Variants in CNGB1 observed in about 807,000 individuals in gnomAD.
CNGB1 encodes cyclic nucleotide-gated channel beta-1.
CNGB1 carries 126 observed loss-of-function variants against 151.7 expected under a neutral mutation model. The ratio of observed to expected loss-of-function variants is 0.83; its 90% CI spans 0.72 to 0.96. The LOEUF is 0.96. Among genes scored for constraint, CNGB1 ranks in the 40% least tolerant of loss-of-function variants. The pLI is 0.00. For synonymous variants in CNGB1, 623 were observed against 635.1 expected (o/e 0.98, Z 0.29); for missense variants, 1,698 against 1,627.0 (o/e 1.04, Z -0.75).
chr16:57,901,654 G>A (rs746011989), intron 27 of CNGB1, 29 bp from the exon 28 acceptor site: 13 of 1,586,944 alleles, frequency 8.2e-6, no homozygotes, highest in Non-Finnish European at 1.0e-5. Context: ...AAGGGTCAGA[G>A]GCAAGGCCGG....
intron 25 of CNGB1, among the ~76,000 whole-genome samples, chr16:57,906,175 C>T (rs1256279761): frequency 2.0e-5 from 3 of 152,230 alleles, no homozygotes; most frequent in East Asian, 1.9e-4. Flanking sequence ...GCTCAGCCAC[C>T]TTCTGGCTGC....
At chr16:57,897,341 A>C in intron 31 of CNGB1, 56 bp downstream of exon 31, 1 of 1,579,136 alleles carries the variant, frequency 6.3e-7, no homozygotes, top group Non-Finnish European at 8.7e-7. Context: ...GTGGTTATGT[A>C]AGAGAAATTC....
At position 57,904,844 on chromosome 16, in the gene CNGB1, T is replaced by C. The variant is rs768977947; in HGVS notation, c.2524A>G (p.Thr842Ala). 2 of 1,614,024 alleles carry C rather than the reference T, an allele frequency of 1.2e-6. No homozygotes were observed. Among genetic ancestry groups the C allele is most frequent in the Non-Finnish European group, 1.7e-6 (2 of 1,180,004 alleles). Residue 842 changes from threonine (T) to alanine (A), a missense_variant, in exon 26 of 33, where the codon ACC becomes GCC. Coordinates refer to ENST00000251102, the MANE Select transcript of CNGB1 (RefSeq NM_001297.5). ...GGCAGCCCCCCGATGGTGATGAGGG[T>C]CTTCACAGCAAAGTAGTAACAGCGA... ...YIRCYYFAVK[T>A]LITIGGLPDP... is the part of the protein sequence containing the mutation.
chr16:57,917,380 G>C lies in CNGB1; in HGVS notation c.2054C>G (p.Pro685Arg). ...PVRWAFPYQT[P>R]DNIHHWLLMD... ...CAGCAGCCAGTGGTGGATGTTGTCC[G>C]GGGTCTGGTAGGGGAAGGCCCAGCG... Residue 685 changes from proline (P) to arginine (R), a missense_variant, in exon 21 of 33, where the codon CCG (proline) becomes CGG (arginine). Coordinates refer to ENST00000251102, the MANE Select transcript of CNGB1 (RefSeq NM_001297.5). 6.2e-7 allele frequency: 1 copy of C among 1,614,078 alleles called. No individual in the cohort carries two copies. The highest frequency in any genetic ancestry group is 8.5e-7 in the Non-Finnish European group (1 of 1,180,028).
chr16:57,904,648 C>T (rs537136606), intron 26 of CNGB1, 86 bp downstream of exon 26: 229 of 1,581,974 alleles, frequency 1.4e-4, no homozygotes, highest in South Asian at 4.4e-4. Context: ...CCAAAAGCAA[C>T]GGGCACAGAG....
intron 2 of CNGB1, 68 bp from the exon 3 acceptor site, chr16:57,964,612 G>A (rs757147623): frequency 3.4e-6 from 5 of 1,471,466 alleles, no homozygotes; most frequent in Non-Finnish European, 4.7e-6. Context: ...GGGGCAGCCT[G>A]ATTCTCCCTC....
At chr16:57,915,463 A>G in intron 22 of CNGB1, 128 bp from the exon 23 acceptor site, 1 of 759,458 alleles carries the variant, frequency 1.3e-6, no homozygotes, top group Non-Finnish European at 2.3e-6. Context: ...AGAGCTTAAA[A>G]CTAGAGGGCA....
At chr16:57,958,245 G>A (rs973484114) in intron 11 of CNGB1, among the ~76,000 whole-genome samples, 165 bp downstream of exon 11, 1 of 121,848 alleles carries the variant, frequency 8.2e-6, no homozygotes, top group East Asian at 2.1e-4. Context: ...GTGGGGCTGG[G>A]CCAGCATGTC....
rs775646646 is a variant in CNGB1 at position 57,900,462 on chromosome 16, T to C, written c.2976+890A>G. Among the ~76,000 whole-genome samples, 9 of 152,310 alleles carry C rather than the reference T, an allele frequency of 5.9e-5. No homozygotes were observed. The South Asian group carries it at 8.3e-4, about 14-fold the overall frequency. ...TATTATTAACTTATTAACGGCTCTG[T>C]GCAAGAGGACTGAAACCTGGGTTCC... On this transcript the variant is annotated intron_variant, in intron 29 of 32. Coordinates refer to ENST00000251102, the MANE Select transcript of CNGB1 (RefSeq NM_001297.5).
chr16:57,926,266 T>C (rs528158593), intron 17 of CNGB1, among the ~76,000 whole-genome samples: 1 of 152,288 alleles, frequency 6.6e-6, no homozygotes, highest in Admixed American at 6.5e-5. Flanking sequence ...CAGAGGTTCC[T>C]ACTCCAGCCC....
At position 57,959,909 on chromosome 16, in the gene CNGB1, G is replaced by T; in HGVS notation, c.740C>A (p.Pro247Gln). 6.4e-7 allele frequency: 1 copy of T among 1,556,972 alleles called. No homozygotes were observed. The highest frequency in any genetic ancestry group is 1.2e-5 in the South Asian group (1 of 82,420). The part of the protein sequence containing the change: ...PGSQAQTSSL[P>Q]PTRDPARLVA... ...TCACCTGGCAGGGTCCCTGGTTGGT[G>T]GCAGGGAGGAGGTCTGGGCCTGGGA... The change falls in exon 10 of 33, where the codon CCA becomes CAA. Residue 247 changes from proline to glutamine, a missense_variant. By Grantham distance (76) the Pro-to-Gln change is moderately conservative. Transcript: ENST00000251102.
Position 57,917,361 on chromosome 16 carries a change from C to G in CNGB1, c.2073G>C (p.Trp691Cys). 1 of 1,614,080 alleles carries G rather than the reference C, an allele frequency of 6.2e-7. No individual in the cohort carries two copies. Residue 691 changes from tryptophan (W) to cysteine (C), a missense_variant, in exon 21 of 33, where the codon TGG becomes TGC. Transcript: ENST00000251102. ...GGTCGCATAGGTAATCCATCAGCAG[C>G]CAGTGGTGGATGTTGTCCGGGGTCT... ...PYQTPDNIHH[W>C]LLMDYLCDLI...
intron 17 of CNGB1, among the ~76,000 whole-genome samples, chr16:57,926,285 CAATCAGAGAGCTGGGCAGG>C (rs1287254280): frequency 2.0e-5 from 3 of 152,178 alleles, no homozygotes; most frequent in Non-Finnish European, 2.9e-5. Context: ...CCCTGAGGGC[CAATCAGAGAGCTGGGCAGG>C]AGGACACTGG....
At chr16:57,951,591 T>C (rs1961949854) in intron 12 of CNGB1, among the ~76,000 whole-genome samples, 1 of 152,214 alleles carries the variant, frequency 6.6e-6, no homozygotes, top group East Asian at 1.9e-4. Context: ...TTATTGTTCA[T>C]GATGTTGCAT....
intron 27 of CNGB1, among the ~76,000 whole-genome samples, chr16:57,902,476 A>G (rs548943608): frequency 2.0e-5 from 3 of 151,308 alleles, no homozygotes; most frequent in African/African-American, 4.9e-5. Context: ...GCTAAAAAAA[A>G]TTTTTTTCTT....
chr16:57,940,260 TC>T lies in CNGB1; in HGVS notation c.1182del (p.Thr395ProfsTer108). 1 of 1,575,914 alleles carries T rather than the reference TC, an allele frequency of 6.3e-7. No individual in the cohort carries two copies. The highest frequency in any genetic ancestry group is 8.6e-7 in the Non-Finnish European group (1 of 1,160,838). On this transcript the variant is annotated frameshift_variant, in exon 15 of 33. Transcript: ENST00000251102. LOFTEE classifies it high-confidence loss of function. The stretch of plus-strand genomic sequence containing the variant: ...TGATCTGAAGTGCTCTGGGGCCGGG[TC>T]CCGTCTTCTTCACTCTGGCCCACGC... ...QVGVGQSEED[G>X]TRPQSTSDQK...
At position 57,960,925 on chromosome 16, in the gene CNGB1, G is replaced by C. The variant is rs1342146133; in HGVS notation, c.459-10C>G. The stretch of plus-strand genomic sequence containing the variant: ...CAGCCGCAGCCCAGGCCTGCAGAGG[G>C]GCCAGTGATCAGCAGAGTGCCCTGA... On this transcript the variant is annotated splice_polypyrimidine_tract_variant and intron_variant, in intron 7 of 32. Transcript: ENST00000251102. 6.2e-6 allele frequency: 10 copies of C among 1,614,038 alleles called. No individual in the cohort carries two copies. Among genetic ancestry groups the C allele is most frequent in the Non-Finnish European group, 8.5e-6 (10 of 1,179,954 alleles).
intron 29 of CNGB1, 33 bp downstream of exon 29, chr16:57,901,319 C>A (rs1188228127): frequency 1.2e-5 from 20 of 1,607,666 alleles, no homozygotes; most frequent in Non-Finnish European, 1.7e-5. Flanking sequence ...ATGGTGAACC[C>A]CAGATCCCGT....
intron 16 of CNGB1, among the ~76,000 whole-genome samples, chr16:57,936,454 T>C (rs371861314): frequency 4.1e-4 from 63 of 152,338 alleles, no homozygotes; most frequent in African/African-American, 1.5e-3. Context: ...TTTACCTGTA[T>C]AAAAACAATG....
Sources: allele counts gnomAD v4.1 joint callset (sites outside exome capture counted in the v4.1 genomes callset), GRCh38; gene constraint gnomAD v4.1.1; transcripts MANE v1.5; gene names NCBI Gene and HGNC (gene_info 2026-07-23, HGNC 2026-07-21).